The following DDHD1 variants were observed in gnomAD, a reference collection of about 807,000 sequenced individuals.
The protein encoded by DDHD1 is phospholipase DDHD1.
In DDHD1, 49 loss-of-function variants were observed where a neutral mutation model predicts 96.4. The observed-to-expected ratio is 0.51, with a 90% CI of 0.40 to 0.64. The LOEUF is 0.64. Ranked by LOEUF, DDHD1 falls within the 30% of genes least tolerant of loss-of-function variation. The pLI is 0.00. For missense variants in DDHD1, 1,106 were observed against 1,161.2 expected (o/e 0.95, Z 0.69); for synonymous variants, 442 against 446.5 (o/e 0.99, Z 0.13).
chr14:53,059,905 A>G (rs548626161), intron 8 of DDHD1, among the ~76,000 whole-genome samples: 142 of 150,126 alleles, frequency 9.5e-4, no homozygotes, highest in African/African-American at 3.3e-3. Context: ...GATAGTAGAG[A>G]TGAAATGCAA....
At chr14:53,068,922 T>A (rs1884280387) in intron 6 of DDHD1, among the ~76,000 whole-genome samples, 1 of 152,236 alleles carries the variant, frequency 6.6e-6, no homozygotes, top group East Asian at 1.9e-4. Context: ...CAAAATGGTT[T>A]TCCAACTCCA....
intron 4 of DDHD1, among the ~76,000 whole-genome samples, chr14:53,086,365 T>C (rs1885951864): frequency 6.6e-6 from 1 of 151,830 alleles, no homozygotes; most frequent in East Asian, 1.9e-4. Context: ...TTCACCAAGG[T>C]TGAAATGAAG....
chr14:53,126,761 T>A (rs1306792431), intron 1 of DDHD1, among the ~76,000 whole-genome samples: 2 of 152,232 alleles, frequency 1.3e-5, no homozygotes, highest in Admixed American at 6.5e-5. Flanking sequence ...TCTTTTTTTT[T>A]ACCTAGTAAA....
chr14:53,055,540 T>C (rs1566519707), intron 10 of DDHD1, 120 bp downstream of exon 10: 1 of 999,966 alleles, frequency 1.0e-6, no homozygotes, highest in East Asian at 2.4e-5. Flanking sequence ...GGGTAGTTAA[T>C]TCTAGACACA....
intron 1 of DDHD1, among the ~76,000 whole-genome samples, chr14:53,123,128 T>C (rs889662065): frequency 1.0e-5 from 1 of 99,364 alleles, no homozygotes; most frequent in African/African-American, 3.0e-5. Context: ...ATTATTATTA[T>C]TATTATTATT....
chr14:53,145,927 C>T (rs530277643), intron 1 of DDHD1, among the ~76,000 whole-genome samples: 1 of 152,136 alleles, frequency 6.6e-6, no homozygotes, highest in Non-Finnish European at 1.5e-5. Context: ...CATTAATGGG[C>T]AGGGTATGGT....
At chr14:53,068,967 C>T (rs577659484) in intron 6 of DDHD1, among the ~76,000 whole-genome samples, 13 of 152,338 alleles carry the variant, frequency 8.5e-5, no homozygotes, top group African/African-American at 2.6e-4. Flanking sequence ...TGGCATTCTA[C>T]TGTAAGCAAG....
intron 1 of DDHD1, among the ~76,000 whole-genome samples, chr14:53,108,090 G>A (rs1022228791): frequency 8.5e-5 from 13 of 152,102 alleles, no homozygotes; most frequent in African/African-American, 2.9e-4. Context: ...TTTCTGGTCC[G>A]TGTTTGTTAC....
chr14:53,136,272 T>G (rs1890237997), intron 1 of DDHD1, among the ~76,000 whole-genome samples: 1 of 152,208 alleles, frequency 6.6e-6, no homozygotes. Flanking sequence ...ATAAACAGCC[T>G]TGTTGCTCAC....
At chr14:53,152,223 G>C (rs780478106) in intron 1 of DDHD1, 38 bp downstream of exon 1, 1 of 1,549,460 alleles carries the variant, frequency 6.5e-7, no homozygotes, top group Admixed American at 1.9e-5. Context: ...CCCATGCAGG[G>C]GCAGCCCGTC....
chr14:53,142,659 G>T (rs1002829602), intron 1 of DDHD1, among the ~76,000 whole-genome samples: 43 of 152,200 alleles, frequency 2.8e-4, no homozygotes, highest in African/African-American at 1.0e-3. Flanking sequence ...AGATGCTCAA[G>T]AATTTAGAAT....
In DDHD1 at chr14:53,091,849, C is replaced by A; in HGVS notation, c.1225G>T (p.Val409Leu). Residue 409 changes from valine to leucine, a missense_variant, in exon 4 of 13, where the codon GTA becomes TTA. Around this residue, in one of 2 missense-constraint regions of DDHD1, gnomAD observed 650 missense variants for 758.8 expected, o/e 0.86. Coordinates refer to ENST00000673822, the MANE Select transcript of DDHD1 (RefSeq NM_001160148.2). The stretch of plus-strand genomic sequence containing the variant: ...TGCCCAATGCCATGCACAACAAATA[C>A]AATATGGGTAGTCTGTGATGGCTTG... ...EDKPSQTTHI[V>L]FVVHGIGQKM... 3 of 1,613,850 alleles carry A rather than the reference C, an allele frequency of 1.9e-6. No homozygotes were observed. The highest frequency in any genetic ancestry group is 2.5e-6 in the Non-Finnish European group (3 of 1,179,868).
At chr14:53,148,853 C>T (rs975221721) in intron 1 of DDHD1, among the ~76,000 whole-genome samples, 3 of 152,092 alleles carry the variant, frequency 2.0e-5, no homozygotes, top group East Asian at 3.9e-4. Context: ...TTGTGAGACC[C>T]ACATATAGTT....
chr14:53,106,355 C>A (rs1401198173), intron 1 of DDHD1, among the ~76,000 whole-genome samples: 3 of 152,096 alleles, frequency 2.0e-5, no homozygotes. Context: ...TCTACTGTAG[C>A]CTTCCTTTGA....
chr14:53,056,587 C>T lies in DDHD1; in HGVS notation c.1993-675G>A, dbSNP rs546535799. 5.8e-4 allele frequency among the ~76,000 whole-genome samples: 89 copies of T among 152,216 alleles called. No individual in the cohort carries two copies. In the South Asian group the frequency reaches 8.3e-3, roughly 14 times the overall value. On this transcript the variant is annotated intron_variant, in intron 9 of 12. Coordinates refer to ENST00000673822, the MANE Select transcript of DDHD1 (RefSeq NM_001160148.2). ...GTTGGGATAATAGAGAGCCACTGCG[C>T]CCAGCCTCTGTCACTTATTAATTGC... is the stretch of plus-strand genomic sequence containing the variant.
At chr14:53,142,488 C>G (rs1482566292) in intron 1 of DDHD1, among the ~76,000 whole-genome samples, 1 of 150,760 alleles carries the variant, frequency 6.6e-6, no homozygotes, top group Non-Finnish European at 1.5e-5. Context: ...AGGAACATTA[C>G]TGGCTTTGCC....
rs72688266 is a variant in DDHD1 at position 53,080,721 on chromosome 14, T to C, written c.1290-6874A>G. Among the ~76,000 whole-genome samples the C allele has an allele frequency of 3.5e-4, 13 of 37,524 alleles. 1 individual carries two copies. Among genetic ancestry groups the C allele is most frequent in the Admixed American group, 5.2e-4 (2 of 3,858 alleles). 24.6% of individuals were successfully genotyped at this position (37,524 alleles called of 152,430 possible). ...TTTCATTTCTTTTCCTTCCCCCTTT[T>C]TTTTTTTTTTTTTTTTGGAGATGAG... On this transcript the variant is annotated intron_variant, in intron 4 of 12. Coordinates refer to ENST00000673822, the MANE Select transcript of DDHD1 (RefSeq NM_001160148.2).
chr14:53,058,521 T>C lies in DDHD1; in HGVS notation c.1948A>G (p.Ile650Val). The change falls in exon 9 of 13, where the codon ATT becomes GTT. Residue 650 changes from isoleucine to valine, a missense_variant. Ile to Val is a conservative substitution (Grantham distance 29). Transcript: ENST00000673822. Reference protein sequence around the residue: ...GSQDHILPREICNRLLNIFHP... With the variant: ...GSQDHILPREVCNRLLNIFHP... ...AAAATATTTAGTAACCGGTTACAAA[T>C]CTCTCTAGGCAAAATATGGTCTTGA... 1 of 1,613,486 alleles carries C rather than the reference T, an allele frequency of 6.2e-7. No individual in the cohort carries two copies. Among genetic ancestry groups the C allele is most frequent in the Non-Finnish European group, 8.5e-7 (1 of 1,179,832 alleles).
intron 12 of DDHD1, among the ~76,000 whole-genome samples, chr14:53,049,332 C>A (rs185291545): frequency 6.6e-6 from 1 of 152,290 alleles, no homozygotes; most frequent in Admixed American, 6.5e-5. Context: ...TTCTCGTCCT[C>A]CCTGAAAAGG....
Sources: gnomAD v4.1 joint callset for allele counts (sites outside exome capture counted in the v4.1 genomes callset) on GRCh38, gnomAD v4.1.1 for gene constraint, gnomAD v4.1.1 regional missense constraint, MANE v1.5 for transcripts, NCBI Gene and HGNC (gene_info 2026-07-23, HGNC 2026-07-21) for gene names.